The following ZBTB7C variants were observed in gnomAD, a reference collection of about 807,000 sequenced individuals.
ZBTB7C encodes zinc finger and BTB domain containing 7C.
Under a neutral mutation model 25.7 loss-of-function variants are expected in ZBTB7C, and 8 were observed. The observed-to-expected ratio is 0.31, with a 90% confidence interval of 0.18 to 0.56. ZBTB7C has a LOEUF of 0.56. Among genes scored for constraint, ZBTB7C ranks in the 20% least tolerant of loss-of-function variants. The probability of loss-of-function intolerance (pLI) is 0.91; values close to 1 mark genes in which losing one functional copy is unlikely to be tolerated. For missense variants in ZBTB7C, 824 were observed against 855.2 expected, an observed-to-expected ratio of 0.96 and a Z score of 0.46; for synonymous variants, 394 against 369.0, an observed-to-expected ratio of 1.07 and a Z score of -0.78.
At chr18:48,109,264 C>G (rs12457548) in intron 3 of ZBTB7C, among the ~76,000 whole-genome samples, 13,649 of 152,192 alleles carry the variant, frequency 0.09, 1,155 homozygotes, top group East Asian at 0.22. Flanking sequence ...CCATCCAGGC[C>G]AGCCCTGCCC....
intron 2 of ZBTB7C, among the ~76,000 whole-genome samples, chr18:48,240,032 G>T (rs1267289421): frequency 9.9e-5 from 15 of 151,886 alleles, no homozygotes. Flanking sequence ...CAATCACAAG[G>T]TCTGGAAATG....
chr18:48,097,064 A>C (rs2038661352), intron 3 of ZBTB7C, among the ~76,000 whole-genome samples: 1 of 152,256 alleles, frequency 6.6e-6, no homozygotes, highest in Non-Finnish European at 1.5e-5. Context: ...CCAGCCCTTG[A>C]TGATCTTCTT....
chr18:48,332,806 C>G (rs546463394), intron 2 of ZBTB7C, among the ~76,000 whole-genome samples: 1 of 151,188 alleles, frequency 6.6e-6, no homozygotes, highest in African/African-American at 2.4e-5. Context: ...AGGGTCTCAA[C>G]AGTCCATGGC....
At chr18:48,330,636 C>G (rs1310804097) in intron 2 of ZBTB7C, among the ~76,000 whole-genome samples, 1 of 150,962 alleles carries the variant, frequency 6.6e-6, no homozygotes, top group South Asian at 2.1e-4. Context: ...TTGCTTTGTC[C>G]CAGTGGTTTC....
chr18:48,141,143 ACC>A (rs1491394816), intron 3 of ZBTB7C, among the ~76,000 whole-genome samples: 1 of 96,044 alleles, frequency 1.0e-5, no homozygotes, highest in Admixed American at 1.1e-4. Context: ...TCCCCCCCGC[ACC>A]ACCCCCCCCA....
rs563605527 is a variant in ZBTB7C at position 48,295,456 on chromosome 18, G to C, written c.-79+42718C>G. On this transcript the variant is annotated intron_variant, in intron 2 of 4. Coordinates refer to ENST00000590800, the MANE Select transcript of ZBTB7C (RefSeq NM_001318841.2). The stretch of plus-strand genomic sequence containing the variant: ...GTTTCCTCTGCGTCATGTGAGGAAG[G>C]CGGGATCCAGTGGCGTTGGGCGCTA... 5.3e-5 allele frequency among the ~76,000 whole-genome samples: 8 copies of C among 152,284 alleles called. No individual in the cohort carries two copies. In the East Asian group the frequency reaches 1.5e-3, roughly 29 times the overall value.
At chr18:48,230,195 C>T (rs936356368) in intron 2 of ZBTB7C, among the ~76,000 whole-genome samples, 1 of 152,218 alleles carries the variant, frequency 6.6e-6, no homozygotes, top group African/African-American at 2.4e-5. Flanking sequence ...AAACAACACT[C>T]CCCTGAAGAA....
intron 2 of ZBTB7C, among the ~76,000 whole-genome samples, chr18:48,220,054 C>T (rs997402752): frequency 6.6e-6 from 1 of 152,198 alleles, no homozygotes; most frequent in African/African-American, 2.4e-5. Context: ...CACTAGCCTG[C>T]TCACCAGACC....
rs866271928 is a variant in ZBTB7C at position 48,040,585 on chromosome 18, C to T, written c.523G>A (p.Glu175Lys). 2 of 1,613,934 alleles carry T rather than the reference C, an allele frequency of 1.2e-6. No homozygotes were observed. Among genetic ancestry groups the T allele is most frequent in the Middle Eastern group, 3.3e-4 (2 of 6,060 alleles). The change falls in exon 4 of 5, where the codon GAA becomes AAA. Residue 175 changes from glutamate (E) to lysine (K), a missense_variant. By Grantham distance (56) the Glu-to-Lys change is moderately conservative (BLOSUM62 1). Transcript: ENST00000590800. ...ATGTCCTGGGGGTCAGGCAAGTTTT[C>T]TTGGTCAGCAAAGTCCTCCGTGTCA... ...DDDTEDFADQ[E>K]NLPDPQDISC...
At chr18:48,370,238 A>G (rs2047354429) in intron 1 of ZBTB7C, among the ~76,000 whole-genome samples, 3 of 152,196 alleles carry the variant, frequency 2.0e-5, no homozygotes, top group Non-Finnish European at 4.4e-5. Flanking sequence ...ACTTAGCAAT[A>G]AAAAAGAACA....
chr18:48,227,267 G>A (rs1171176004), intron 2 of ZBTB7C, among the ~76,000 whole-genome samples: 1 of 152,186 alleles, frequency 6.6e-6, no homozygotes, highest in Non-Finnish European at 1.5e-5. Flanking sequence ...CACCAGGAAT[G>A]CTGCTGCTGC....
chr18:48,356,588 T>A (rs1446044040), intron 1 of ZBTB7C, among the ~76,000 whole-genome samples: 1 of 152,072 alleles, frequency 6.6e-6, no homozygotes, highest in Non-Finnish European at 1.5e-5. Context: ...GCCCCTGGCA[T>A]CCCATCTCCT....
chr18:48,189,617 T>C (rs2042144588), intron 2 of ZBTB7C, among the ~76,000 whole-genome samples: 1 of 152,044 alleles, frequency 6.6e-6, no homozygotes, highest in Non-Finnish European at 1.5e-5. Flanking sequence ...TTGCTGCCTC[T>C]CCCCCACCCA....
chr18:48,403,037 A>G (rs2048196795), intron 1 of ZBTB7C, among the ~76,000 whole-genome samples: 1 of 152,178 alleles, frequency 6.6e-6, no homozygotes, highest in African/African-American at 2.4e-5. Flanking sequence ...CCTGGCCCCA[A>G]AGAGAAACCC....
chr18:48,311,467 C>G (rs186120888), intron 2 of ZBTB7C, among the ~76,000 whole-genome samples: 11 of 152,282 alleles, frequency 7.2e-5, no homozygotes, highest in African/African-American at 2.6e-4. Flanking sequence ...TGTCTGGAGA[C>G]ATTTTTGGTT....
intron 2 of ZBTB7C, among the ~76,000 whole-genome samples, chr18:48,219,109 G>C (rs568328055): frequency 1.0e-3 from 154 of 152,296 alleles, no homozygotes; most frequent in African/African-American, 3.6e-3. Context: ...CCTGGGACTG[G>C]ACTGAGGAAT....
chr18:48,325,286 A>G (rs767269983), intron 2 of ZBTB7C, among the ~76,000 whole-genome samples: 7 of 152,190 alleles, frequency 4.6e-5, no homozygotes, highest in Non-Finnish European at 8.8e-5. Context: ...AATCTAAGTT[A>G]TTATTACTAT....
chr18:48,342,568 C>G (rs2046629162), intron 1 of ZBTB7C, among the ~76,000 whole-genome samples: 1 of 152,222 alleles, frequency 6.6e-6, no homozygotes. Flanking sequence ...TAATCAATTC[C>G]CCACAACCCT....
chr18:48,102,255 C>G (rs2038857658), intron 3 of ZBTB7C, among the ~76,000 whole-genome samples: 1 of 152,134 alleles, frequency 6.6e-6, no homozygotes, highest in Non-Finnish European at 1.5e-5. Flanking sequence ...TCAGTAAACA[C>G]TGGCTGAAAG....
Sources: gnomAD v4.1 joint callset for allele counts (sites outside exome capture counted in the v4.1 genomes callset) on GRCh38, gnomAD v4.1.1 for gene constraint, MANE v1.5 for transcripts, NCBI Gene and HGNC (gene_info 2026-07-23, HGNC 2026-07-21) for gene names.